The following ATP10D variants were observed in gnomAD, a reference collection of about 807,000 sequenced individuals.
ATP10D encodes the protein phospholipid-transporting ATPase VD.
Under a neutral mutation model 144.8 loss-of-function variants are expected in ATP10D, and 89 were observed. The observed-to-expected ratio is 0.61, with a 90% CI of 0.52 to 0.73. The LOEUF is 0.73. Ranked by LOEUF, ATP10D falls within the 30% of genes least tolerant of loss-of-function variation. The pLI is 0.00. For missense variants in ATP10D, 1,603 were observed against 1,714.8 expected (o/e 0.93, Z 1.15); for synonymous variants, 571 against 615.1 (o/e 0.93, Z 1.06).
In ATP10D at chr4:47,535,681, A is replaced by G. The variant is rs1577657724; in HGVS notation, c.883+66A>G. On this transcript the variant is annotated intron_variant, in intron 6 of 22. Coordinates refer to ENST00000273859, the MANE Select transcript of ATP10D (RefSeq NM_020453.4). ...TTCTACAAGTTAACATTTTTCATTTACTCAAAAATGCAATCTGTTGAAGCA... is the reference window on the plus strand; with the variant it reads ...TTCTACAAGTTAACATTTTTCATTTGCTCAAAAATGCAATCTGTTGAAGCA... 8.0e-6 allele frequency: 12 copies of G among 1,503,664 alleles called. No individual in the cohort carries two copies. The Admixed American group carries it at 2.6e-4, about 33-fold the overall frequency. The allele number at this position is 1,503,664 out of a possible 1,614,324, so 93.1% of individuals were successfully genotyped here.
Position 47,514,614 on chromosome 4 carries a change from A to T in ATP10D, c.291-862A>T, listed in dbSNP as rs750970820. Among the ~76,000 whole-genome samples the T allele has an allele frequency of 2.0e-4, 31 of 152,342 alleles. 1 individual carries two copies. The highest frequency in any genetic ancestry group is 1.0e-3 in the Admixed American group (16 of 15,306). On this transcript the variant is annotated intron_variant, in intron 2 of 22. Transcript: ENST00000273859. ...CCATATGGCCCAAAATTAGGGACCC[A>T]TGGAGAAGTATTTGAATATATAAAG...
chr4:47,542,825 T>C (rs1718222794), intron 9 of ATP10D, among the ~76,000 whole-genome samples: 1 of 152,194 alleles, frequency 6.6e-6, no homozygotes, highest in Non-Finnish European at 1.5e-5. Context: ...GTTGAGTCAC[T>C]TCATATCTTC....
intron 10 of ATP10D, chr4:47,547,442 C>T (rs1447769103): frequency 2.0e-5 from 3 of 152,332 alleles, no homozygotes; most frequent in African/African-American, 7.2e-5. Context: ...TTAACAAATC[C>T]ATTTTACTCC....
chr4:47,505,968 A>G (rs1716000330), intron 1 of ATP10D, among the ~76,000 whole-genome samples: 1 of 152,180 alleles, frequency 6.6e-6, no homozygotes, highest in South Asian at 2.1e-4. Context: ...TACCTTTGGT[A>G]ATCTGCCCTA....
intron 3 of ATP10D, among the ~76,000 whole-genome samples, chr4:47,519,031 AG>A (rs1338283423): frequency 6.6e-6 from 1 of 152,232 alleles, no homozygotes; most frequent in East Asian, 1.9e-4. Context: ...ATATATGTAA[AG>A]CATCTAATAA....
intron 10 of ATP10D, among the ~76,000 whole-genome samples, chr4:47,552,956 T>A (rs1450095908): frequency 1.3e-5 from 2 of 152,228 alleles, no homozygotes; most frequent in Non-Finnish European, 2.9e-5. Flanking sequence ...TAAACTTTTC[T>A]TAAACTTATT....
chr4:47,518,266 A>C (rs1161593602), intron 3 of ATP10D, among the ~76,000 whole-genome samples: 2 of 152,280 alleles, frequency 1.3e-5, no homozygotes, highest in South Asian at 2.1e-4. Context: ...CAAGGCGCTT[A>C]ATTTTCTATA....
intron 13 of ATP10D, 134 bp from the exon 14 acceptor site, chr4:47,560,815 T>A (rs528203430): frequency 9.0e-7 from 1 of 1,108,602 alleles, no homozygotes; most frequent in African/African-American, 1.5e-5. Context: ...AGGATATGGA[T>A]CTGACATGGC....
chr4:47,495,970 G>A (rs760839234), intron 1 of ATP10D, among the ~76,000 whole-genome samples: 4 of 151,010 alleles, frequency 2.6e-5, no homozygotes, highest in South Asian at 2.1e-4. Flanking sequence ...CTCCTGACCT[G>A]AGGTGATCTG....
intron 1 of ATP10D, among the ~76,000 whole-genome samples, chr4:47,490,028 AT>A (rs1207940837): frequency 6.6e-6 from 1 of 152,142 alleles, no homozygotes; most frequent in Non-Finnish European, 1.5e-5. Context: ...ACAAATCATA[AT>A]TTTCTTGGTT....
rs766553584 is a variant in ATP10D at position 47,563,708 on chromosome 4, T to C, written c.2796T>C (p.Tyr932=). The C allele has an allele frequency of 1.9e-6, 3 of 1,613,704 alleles. No homozygotes were observed. Among genetic ancestry groups the C allele is most frequent in the Non-Finnish European group, 2.5e-6 (3 of 1,179,958 alleles). ...AGGAGACAGCTGTCAACATAGCTTA[T>C]GCATGCAAACTACTGGAGCCAGATG... ...DKQETAVNIA[Y]ACKLLEPDDK... Residue 932 remains tyrosine, a synonymous_variant, in exon 15 of 23, where the codon TAT becomes TAC. Coordinates refer to ENST00000273859, the MANE Select transcript of ATP10D (RefSeq NM_020453.4).
chr4:47,496,644 A>G (rs1397092177), intron 1 of ATP10D, among the ~76,000 whole-genome samples: 1 of 152,162 alleles, frequency 6.6e-6, no homozygotes, highest in Non-Finnish European at 1.5e-5. Flanking sequence ...GCTACATTCT[A>G]CATTCAGAGT....
chr4:47,530,225 A>G (rs1413423702), intron 5 of ATP10D, among the ~76,000 whole-genome samples: 1 of 152,082 alleles, frequency 6.6e-6, no homozygotes, highest in East Asian at 1.9e-4. Flanking sequence ...TCGAACCGGA[A>G]CAACGGTTAT....
At chr4:47,590,803 T>C (rs1720993312) in intron 22 of ATP10D, among the ~76,000 whole-genome samples, 1 of 152,146 alleles carries the variant, frequency 6.6e-6, no homozygotes, top group African/African-American at 2.4e-5. Flanking sequence ...TATTTAGTTT[T>C]GCTTTTTAAT....
chr4:47,562,844 TAC>T (rs202007508), intron 14 of ATP10D, among the ~76,000 whole-genome samples: 142 of 151,460 alleles, frequency 9.4e-4, no homozygotes, highest in Admixed American at 1.8e-3. Context: ...TATATATATA[TAC>T]ACACACACAC....
At chr4:47,540,701 C>T (rs1050523251) in intron 9 of ATP10D, among the ~76,000 whole-genome samples, 2 of 152,238 alleles carry the variant, frequency 1.3e-5, no homozygotes, top group South Asian at 2.1e-4. Flanking sequence ...AATGCTGATA[C>T]ATTATTATTA....
At chr4:47,553,004 A>G (rs980175161) in intron 10 of ATP10D, among the ~76,000 whole-genome samples, 1 of 152,214 alleles carries the variant, frequency 6.6e-6, no homozygotes, top group Non-Finnish European at 1.5e-5. Context: ...TGCTTATTCC[A>G]TGTTAACATT....
chr4:47,511,185 A>C (rs1716305603), intron 1 of ATP10D, among the ~76,000 whole-genome samples: 1 of 152,234 alleles, frequency 6.6e-6, no homozygotes, highest in African/African-American at 2.4e-5. Context: ...CTTTTAAAAA[A>C]TTATATTGAA....
chr4:47,592,263 C>T lies in ATP10D; in HGVS notation c.*882C>T, dbSNP rs970279812. The T allele has an allele frequency of 2.0e-5, 3 of 152,530 alleles. No individual in the cohort carries two copies. The highest frequency in any genetic ancestry group is 4.4e-5 in the Non-Finnish European group (3 of 68,006). 9.4% of individuals were successfully genotyped at this position (152,530 alleles called of 1,614,324 possible). Reference sequence around the variant, plus strand: ...AGTAGCCTGATCAAAGTGATACAATCAATTTCAAAACAATCTTCCAGAGAC... The same window carrying T: ...AGTAGCCTGATCAAAGTGATACAATTAATTTCAAAACAATCTTCCAGAGAC... On this transcript the variant is annotated 3_prime_UTR_variant, in exon 23 of 23. Coordinates refer to ENST00000273859, the MANE Select transcript of ATP10D (RefSeq NM_020453.4).
Sources: allele counts gnomAD v4.1 joint callset (sites outside exome capture counted in the v4.1 genomes callset), GRCh38; gene constraint gnomAD v4.1.1; transcripts MANE v1.5; gene names NCBI Gene and HGNC (gene_info 2026-07-23, HGNC 2026-07-21).